The following COL23A1 variants were observed in gnomAD, a reference collection of about 807,000 sequenced individuals.
The protein encoded by COL23A1 is collagen alpha-1(XXIII) chain.
Under a neutral mutation model 99.3 loss-of-function variants are expected in COL23A1, and 97 were observed. The observed-to-expected ratio is 0.98, with a 90% CI of 0.83 to 1.16. The LOEUF is 1.16. Ranked by LOEUF, COL23A1 falls within the 50% of genes most tolerant of loss-of-function variation. The probability of loss-of-function intolerance (pLI) is 0.00; values close to 1 mark genes in which losing one functional copy is unlikely to be tolerated. For synonymous variants in COL23A1, 320 were observed against 308.2 expected, an observed-to-expected ratio of 1.04 and a Z score of -0.40; for missense variants, 762 against 757.4, an observed-to-expected ratio of 1.01 and a Z score of -0.07.
intron 2 of COL23A1, among the ~76,000 whole-genome samples, chr5:178,502,797 T>C (rs1039866316): frequency 6.6e-6 from 1 of 152,214 alleles, no homozygotes; most frequent in Admixed American, 6.5e-5. Flanking sequence ...CCAGAAGACG[T>C]GCACAGAGAC....
chr5:178,487,635 A>G (rs992701181), intron 2 of COL23A1, among the ~76,000 whole-genome samples: 2 of 152,166 alleles, frequency 1.3e-5, no homozygotes, highest in African/African-American at 4.8e-5. Context: ...ATGACTCCGG[A>G]GAGTCCTGGG....
chr5:178,271,948 C>T (rs995541687), intron 5 of COL23A1, among the ~76,000 whole-genome samples: 10 of 152,196 alleles, frequency 6.6e-5, no homozygotes, highest in Admixed American at 4.6e-4. Context: ...GTGGCCTTCA[C>T]GCAGCCTTCG....
In COL23A1 at chr5:178,255,080, G is replaced by A; in HGVS notation, c.883-54C>T. 1.4e-6 allele frequency: 2 copies of A among 1,450,606 alleles called. No individual in the cohort carries two copies. Among genetic ancestry groups the A allele is most frequent in the Non-Finnish European group, 1.9e-6 (2 of 1,032,942 alleles). The allele number at this position is 1,450,606 out of a possible 1,614,324, so 89.9% of individuals were successfully genotyped here. A position where few individuals can be genotyped will look rare whatever the true frequency, so the allele number is the denominator to read the frequency against. On this transcript the variant is annotated intron_variant, in intron 15 of 28. Transcript: ENST00000390654. This position sits in a 1 kb window ranked among gnomAD's most constrained non-coding sequence, Gnocchi z 4.2. ...AGGGAAGAGCTACACTGAGTTGGAG[G>A]TGAAGTGGCAGCTGTCCCTGCATCA...
intron 1 of COL23A1, among the ~76,000 whole-genome samples, chr5:178,584,361 T>C (rs1005667469): frequency 6.6e-6 from 1 of 151,310 alleles, no homozygotes; most frequent in Non-Finnish European, 1.5e-5. Context: ...TAAATACATA[T>C]AAATTTTTTT....
rs999876566 is a variant in COL23A1, at chr5:178,280,016, C to T, written c.441+8308G>A. Among the ~76,000 whole-genome samples, 5 of 152,230 alleles carry T rather than the reference C, an allele frequency of 3.3e-5. No individual in the cohort carries two copies. Among genetic ancestry groups the T allele is most frequent in the South Asian group, 2.1e-4 (1 of 4,834 alleles). On this transcript the variant is annotated intron_variant, in intron 5 of 28. Transcript: ENST00000390654. This position sits in a 1 kb window ranked among gnomAD's most constrained non-coding sequence, Gnocchi z 4.9. The stretch of plus-strand genomic sequence containing the variant: ...TTTCCTGCTACCGTATCCCAAATGC[C>T]GAAGCGCCTCGTACATAACGAGAAC...
rs965055068 is a variant in COL23A1 at position 178,366,536 on chromosome 5, C to T, written c.362-59617G>A. 1.3e-5 allele frequency among the ~76,000 whole-genome samples: 2 copies of T among 152,358 alleles called. No homozygotes were observed. The highest frequency in any genetic ancestry group is 4.8e-5 in the African/African-American group (2 of 41,590). ...TCTGACCTTTCCAGACCAACTTCCA[C>T]CCTGCCCCAACAGAGTGCTTTCAGA... On this transcript the variant is annotated intron_variant, in intron 2 of 28. Transcript: ENST00000390654. This position sits in a 1 kb window ranked among gnomAD's most constrained non-coding sequence, Gnocchi z 4.4.
At chr5:178,351,269 G>C (rs1168609116) in intron 2 of COL23A1, 1 of 152,462 alleles carries the variant, frequency 6.6e-6, no homozygotes, top group Non-Finnish European at 1.5e-5. Context: ...GAGGAGTGAG[G>C]GAGAGCAGGC....
At chr5:178,475,287 A>C (rs887244632) in intron 2 of COL23A1, among the ~76,000 whole-genome samples, 1 of 152,168 alleles carries the variant, frequency 6.6e-6, no homozygotes, top group African/African-American at 2.4e-5. Flanking sequence ...TTTGAAAACA[A>C]AATTAAGTGG....
chr5:178,277,790 C>A (rs1441486440), intron 5 of COL23A1, among the ~76,000 whole-genome samples: 2 of 152,056 alleles, frequency 1.3e-5, no homozygotes, highest in Admixed American at 1.3e-4. Context: ...CCAAAAATAC[C>A]TGCTGAAATG....
intron 1 of COL23A1, among the ~76,000 whole-genome samples, chr5:178,578,163 AC>A (rs1763488162): frequency 6.6e-6 from 1 of 151,830 alleles, no homozygotes; most frequent in Non-Finnish European, 1.5e-5. Flanking sequence ...ACACAGGCAT[AC>A]TTACGTGCAT....
At position 178,521,897 on chromosome 5, in the gene COL23A1, G is replaced by A. The variant is rs539187128; in HGVS notation, c.361+38785C>T. Among the ~76,000 whole-genome samples the A allele has an allele frequency of 2.5e-3, 381 of 152,282 alleles. 1 individual carries two copies. The highest frequency in any genetic ancestry group is 4.8e-3 in the Non-Finnish European group (325 of 68,028). The stretch of plus-strand genomic sequence containing the variant: ...TTAATGGTTACACAGTTTCTGTTTG[G>A]AGTTATGGAAAATTTTGGCAATACG... On this transcript the variant is annotated intron_variant, in intron 2 of 28. Coordinates refer to ENST00000390654, the MANE Select transcript of COL23A1 (RefSeq NM_173465.4).
At chr5:178,505,910 C>T (rs537388545) in intron 2 of COL23A1, among the ~76,000 whole-genome samples, 1 of 152,122 alleles carries the variant, frequency 6.6e-6, no homozygotes, top group South Asian at 2.1e-4. Context: ...TCTGAGACAG[C>T]AGACCCCAAG....
chr5:178,303,680 A>G (rs1758192073), intron 3 of COL23A1, among the ~76,000 whole-genome samples: 1 of 152,242 alleles, frequency 6.6e-6, no homozygotes, highest in Non-Finnish European at 1.5e-5. Flanking sequence ...GCACTGGCCA[A>G]GCAGTCTTCT....
At chr5:178,358,474 T>C (rs1025159121) in intron 2 of COL23A1, among the ~76,000 whole-genome samples, 4 of 149,854 alleles carry the variant, frequency 2.7e-5, no homozygotes, top group African/African-American at 7.4e-5. Context: ...TGTATGTGCG[T>C]ATGCGTATAT....
intron 2 of COL23A1, among the ~76,000 whole-genome samples, chr5:178,354,999 A>G (rs549102348): frequency 1.1e-4 from 16 of 151,730 alleles, no homozygotes; most frequent in East Asian, 9.7e-4. Context: ...CGGAGGTTGC[A>G]GTGAGTGGAG....
intron 2 of COL23A1, among the ~76,000 whole-genome samples, chr5:178,358,369 C>T (rs183046672): frequency 4.7e-4 from 60 of 128,064 alleles, no homozygotes; most frequent in Admixed American, 3.9e-3. Context: ...TGTATGTGTA[C>T]GTGTGTATGT....
At chr5:178,258,259 A>ATATATATG (rs1554126948) in intron 12 of COL23A1, among the ~76,000 whole-genome samples, 4 of 128,522 alleles carry the variant, frequency 3.1e-5, no homozygotes, top group African/African-American at 8.3e-5. Flanking sequence ...ATATATATAT[A>ATATATATG]TATACACATG....
intron 2 of COL23A1, among the ~76,000 whole-genome samples, chr5:178,518,112 T>G (rs1336079705): frequency 1.6e-4 from 21 of 133,288 alleles, no homozygotes; most frequent in African/African-American, 6.2e-4. Context: ...AGGAGCATGC[T>G]GCCTTCAAGC....
intron 2 of COL23A1, among the ~76,000 whole-genome samples, chr5:178,540,367 A>T (rs1330333985): frequency 6.6e-6 from 1 of 152,240 alleles, no homozygotes; most frequent in Non-Finnish European, 1.5e-5. Flanking sequence ...AATTTTAAAA[A>T]TATTATTATT....
Sources: allele counts gnomAD v4.1 joint callset (sites outside exome capture counted in the v4.1 genomes callset), GRCh38; gene constraint gnomAD v4.1.1; non-coding constraint Gnocchi (gnomAD v3.1); transcripts MANE v1.5; gene names NCBI Gene and HGNC (gene_info 2026-07-23, HGNC 2026-07-21).